Variants in IARS1 observed in about 807,000 individuals in gnomAD.
IARS1 encodes isoleucyl-tRNA synthetase 1.
Under a neutral mutation model 168.2 loss-of-function variants are expected in IARS1, and 124 were observed. The ratio of observed to expected loss-of-function variants is 0.74; its 90% confidence interval spans 0.64 to 0.86. The LOEUF (loss-of-function observed/expected upper bound fraction) is 0.86, where lower values mean the gene tolerates loss of function less well. IARS1 is among the 40% of genes least tolerant of loss of function. The pLI is 0.00. For synonymous variants in IARS1, 532 were observed against 529.4 expected (o/e 1.00, Z -0.07); for missense variants, 1,452 against 1,515.8 (o/e 0.96, Z 0.70).
At chr9:92,239,547 T>TAA (rs879264978) in intron 30 of IARS1, among the ~76,000 whole-genome samples, 4,650 of 152,324 alleles carry the variant, frequency 0.031, 110 homozygotes, top group South Asian at 0.079. Context: ...TGTTTGGGTT[T>TAA]CACGCATACC....
intron 30 of IARS1, among the ~76,000 whole-genome samples, chr9:92,233,315 T>C (rs1034375878): frequency 1.3e-5 from 2 of 152,346 alleles, no homozygotes; most frequent in Admixed American, 6.5e-5. Context: ...GCAACATTAG[T>C]ATAATGAACT....
chr9:92,275,478 T>C (rs2133903685), intron 9 of IARS1, among the ~76,000 whole-genome samples: 1 of 152,366 alleles, frequency 6.6e-6, no homozygotes, highest in South Asian at 2.1e-4. Context: ...AACCATAAAA[T>C]TTTAATTGTT....
At chr9:92,223,878 GA>G (rs1245869639) in intron 31 of IARS1, among the ~76,000 whole-genome samples, 3 of 152,146 alleles carry the variant, frequency 2.0e-5, no homozygotes, top group Non-Finnish European at 4.4e-5. Context: ...GAGCAGATGT[GA>G]AAAAAAGCAT....
intron 7 of IARS1, among the ~76,000 whole-genome samples, chr9:92,279,971 T>C (rs923030793): frequency 6.6e-6 from 1 of 152,238 alleles, no homozygotes; most frequent in African/African-American, 2.4e-5. Flanking sequence ...GTATCAGAAT[T>C]TCCTTTCTTT....
intron 17 of IARS1, among the ~76,000 whole-genome samples, chr9:92,262,628 C>T (rs957270817): frequency 1.3e-5 from 2 of 151,748 alleles, no homozygotes; most frequent in African/African-American, 4.8e-5. Context: ...ACAGCTTCCT[C>T]GTGTGTTAAA....
chr9:92,240,787 T>C, intron 30 of IARS1, 69 bp downstream of exon 30: 1 of 863,662 alleles, frequency 1.2e-6, no homozygotes, highest in Non-Finnish European at 2.0e-6. Flanking sequence ...ATAAGTTTTT[T>C]TGGTTGTTTT....
chr9:92,285,764 A>C lies in IARS1; in HGVS notation c.555T>G (p.Cys185Trp). 6.2e-7 allele frequency: 1 copy of C among 1,613,166 alleles called. No individual in the cohort carries two copies. Among genetic ancestry groups the C allele is most frequent in the Non-Finnish European group, 8.5e-7 (1 of 1,179,134 alleles). The part of the protein sequence containing the change: ...GVKVMPFSTA[C>W]NTPLSNFESH... The stretch of plus-strand genomic sequence containing the variant: ...ACTCGAAGTTGGAAAGTGGAGTGTT[A>C]CATGCCGTAGAGAAGGGCATGACTT... Residue 185 changes from cysteine to tryptophan, a missense_variant, in exon 6 of 34, where the codon TGT becomes TGG. By Grantham distance (215) the Cys-to-Trp change is radical (BLOSUM62 -2). Transcript: ENST00000443024.
chr9:92,215,082 G>A (rs543174940), intron 33 of IARS1, among the ~76,000 whole-genome samples: 2 of 152,176 alleles, frequency 1.3e-5, no homozygotes, highest in African/African-American at 2.4e-5. Context: ...TCTGAGAACG[G>A]GCAGACTGCC....
At chr9:92,257,300 T>C (rs1830860335) in intron 19 of IARS1, among the ~76,000 whole-genome samples, 1 of 152,236 alleles carries the variant, frequency 6.6e-6, no homozygotes, top group Non-Finnish European at 1.5e-5. Flanking sequence ...ACAGAACTCA[T>C]GTCCTGCTTT....
chr9:92,253,480 A>T, intron 20 of IARS1, 27 bp from the exon 21 acceptor site: 1 of 1,495,696 alleles, frequency 6.7e-7, no homozygotes, highest in Non-Finnish European at 9.3e-7. Context: ...TCAATCAGGC[A>T]GCAAGTGGGT....
Position 92,250,828 on chromosome 9 carries a change from A to T in IARS1, c.2314T>A (p.Tyr772Asn). 4 of 1,606,072 alleles carry T rather than the reference A, an allele frequency of 2.5e-6. No individual in the cohort carries two copies. The highest frequency in any genetic ancestry group is 2.5e-6 in the Non-Finnish European group (3 of 1,176,688). The change falls in exon 23 of 34, where the codon TAC (tyrosine) becomes AAC (asparagine). Residue 772 changes from tyrosine (Y) to asparagine (N), a missense_variant. Transcript: ENST00000443024. Reference sequence around the variant, plus strand: ...ATCAATTCAGTGAGAAAAGGTGTGTAGGGAGCCTGTATGAAGACACAGGAC... The same window carrying T: ...ATCAATTCAGTGAGAAAAGGTGTGTTGGGAGCCTGTATGAAGACACAGGAC... ...LLSLCRLMAP[Y>N]TPFLTELMYQ...
chr9:92,275,898 A>G (rs553078071), intron 9 of IARS1, among the ~76,000 whole-genome samples: 1 of 152,348 alleles, frequency 6.6e-6, no homozygotes, highest in African/African-American at 2.4e-5. Context: ...AGCTTATTTA[A>G]TGAGTAGGTG....
At chr9:92,266,299 A>T (rs1268417700) in intron 14 of IARS1, among the ~76,000 whole-genome samples, 1 of 152,230 alleles carries the variant, frequency 6.6e-6, no homozygotes, top group Non-Finnish European at 1.5e-5. Flanking sequence ...CCCAAGAAAA[A>T]GCTAGAGCTA....
intron 26 of IARS1, among the ~76,000 whole-genome samples, chr9:92,245,768 A>ATTTT (rs572872450): frequency 2.3e-4 from 33 of 143,412 alleles, no homozygotes; most frequent in South Asian, 6.7e-4. Context: ...TAGCCCAGGA[A>ATTTT]TTTTTTTTTT....
intron 18 of IARS1, among the ~76,000 whole-genome samples, 189 bp from the exon 19 acceptor site, chr9:92,259,187 C>CA (rs1294984287): frequency 2.0e-5 from 3 of 152,170 alleles, no homozygotes; most frequent in Non-Finnish European, 4.4e-5. Context: ...AGAGACTTAG[C>CA]AAATTATAAA....
At chr9:92,284,288 T>C (rs1835094468) in intron 6 of IARS1, among the ~76,000 whole-genome samples, 1 of 152,186 alleles carries the variant, frequency 6.6e-6, no homozygotes, top group Non-Finnish European at 1.5e-5. Flanking sequence ...GAAAGATCTA[T>C]ACTGGATTAT....
rs183696272 is a variant in IARS1, at chr9:92,283,069, G to T, written c.598-2176C>A. On this transcript the variant is annotated intron_variant, in intron 6 of 33. Coordinates refer to ENST00000443024, the MANE Select transcript of IARS1 (RefSeq NM_002161.6). ...GGGGTTTTGTCATGTTGCCCAGGTC[G>T]GCCTCCAAAAGTGCGAGGATTTCAG... 2.6e-3 allele frequency among the ~76,000 whole-genome samples: 402 copies of T among 151,998 alleles called. 2 individuals carry two copies. Among genetic ancestry groups the T allele is most frequent in the African/African-American group, 9.0e-3 (374 of 41,464 alleles).
chr9:92,277,115 A>G (rs1296719939), intron 9 of IARS1, among the ~76,000 whole-genome samples: 1 of 152,238 alleles, frequency 6.6e-6, no homozygotes, highest in Non-Finnish European at 1.5e-5. Flanking sequence ...TACATGCAAT[A>G]AAAATATACA....
intron 2 of IARS1, among the ~76,000 whole-genome samples, chr9:92,288,668 G>C (rs183037153): frequency 2.0e-5 from 3 of 152,196 alleles, no homozygotes; most frequent in Admixed American, 2.0e-4. Context: ...AGGACTAAAG[G>C]CAGGTAGTAC....
Sources: gnomAD v4.1 joint callset for allele counts (sites outside exome capture counted in the v4.1 genomes callset) on GRCh38, gnomAD v4.1.1 for gene constraint, MANE v1.5 for transcripts, NCBI Gene and HGNC (gene_info 2026-07-23, HGNC 2026-07-21) for gene names.